The following PAPSS2 variants were observed in gnomAD, a reference collection of about 807,000 sequenced individuals.
The protein encoded by PAPSS2 is bifunctional 3'-phosphoadenosine 5'-phosphosulfate synthase 2.
PAPSS2 carries 61 observed loss-of-function variants against 66.5 expected under a neutral mutation model. The ratio of observed to expected loss-of-function variants is 0.92; its 90% CI spans 0.75 to 1.14. The LOEUF is 1.14. Among genes scored for constraint, PAPSS2 ranks in the 50% most tolerant of loss-of-function variants. The pLI is 0.00. For missense variants in PAPSS2, 708 were observed against 789.6 expected, an observed-to-expected ratio of 0.90 and a Z score of 1.24; for synonymous variants, 289 against 287.5, an observed-to-expected ratio of 1.01 and a Z score of -0.05.
At chr10:87,710,210 T>C (rs1453883314) in intron 2 of PAPSS2, among the ~76,000 whole-genome samples, 1 of 152,242 alleles carries the variant, frequency 6.6e-6, no homozygotes, top group Non-Finnish European at 1.5e-5. Context: ...CATCTTTTCT[T>C]GCTGTCCTAA....
At chr10:87,714,243 T>C in intron 4 of PAPSS2, 61 bp downstream of exon 4, 1 of 1,569,512 alleles carries the variant, frequency 6.4e-7, no homozygotes, top group Admixed American at 1.7e-5. Context: ...CAGTCCTTAT[T>C]CTGTCCTCAG....
intron 1 of PAPSS2, among the ~76,000 whole-genome samples, chr10:87,675,351 A>T (rs1205414515): frequency 6.6e-6 from 1 of 152,268 alleles, no homozygotes; most frequent in Non-Finnish European, 1.5e-5. Context: ...TGCATTAAAA[A>T]GATTCGCATA....
rs1338242115 is a variant in PAPSS2, at chr10:87,703,331, C to T, written c.28-5865C>T. ...TGTGTGTGTGTAAAACTGGTGCAGT[C>T]CTATCCATTGTCTGATTCGATCATG... is the stretch of plus-strand genomic sequence containing the variant. On this transcript the variant is annotated intron_variant, in intron 1 of 12. Coordinates refer to ENST00000456849, the MANE Select transcript of PAPSS2 (RefSeq NM_001015880.2). Among the ~76,000 whole-genome samples the T allele has an allele frequency of 2.6e-4, 39 of 150,148 alleles. 1 individual carries two copies. Among genetic ancestry groups the T allele is most frequent in the Admixed American group, 2.6e-3 (39 of 15,058 alleles).
rs553300326 is a variant in PAPSS2 at position 87,709,023 on chromosome 10, A to G, written c.28-173A>G. Among the ~76,000 whole-genome samples the G allele has an allele frequency of 3.9e-5, 6 of 152,328 alleles. No homozygotes were observed. The East Asian group carries it at 1.2e-3, about 29-fold the overall frequency. On this transcript the variant is annotated intron_variant, in intron 1 of 12. Coordinates refer to ENST00000456849, the MANE Select transcript of PAPSS2 (RefSeq NM_001015880.2). ...TGGCTCAGGGTAATCTGCAGAAATG[A>G]AAAAAACTATATTAGAATGGACAAA...
In PAPSS2 at chr10:87,707,574, T is replaced by C. The variant is rs919304267; in HGVS notation, c.28-1622T>C. On this transcript the variant is annotated intron_variant, in intron 1 of 12. Transcript: ENST00000456849. ...TCATTTCTTTTTTTTCTTTTTTTTT[T>C]TTTTTTTTTTTTTGAGACAGGGTCT... Among the ~76,000 whole-genome samples the C allele has an allele frequency of 1.7e-3, 245 of 141,976 alleles. 1 individual carries two copies. Among genetic ancestry groups the C allele is most frequent in the African/African-American group, 5.9e-3 (225 of 37,836 alleles). The allele number at this position is 141,976 out of a possible 152,430, so 93.1% of individuals were successfully genotyped here.
intron 1 of PAPSS2, among the ~76,000 whole-genome samples, chr10:87,705,820 G>A (rs1205650535): frequency 6.0e-5 from 9 of 150,316 alleles, no homozygotes; most frequent in Non-Finnish European, 1.2e-4. Flanking sequence ...TGCAACCTCC[G>A]CCTCCCGGGT....
At chr10:87,697,229 A>G (rs929164295) in intron 1 of PAPSS2, among the ~76,000 whole-genome samples, 6 of 152,112 alleles carry the variant, frequency 3.9e-5, no homozygotes, top group Non-Finnish European at 7.4e-5. Context: ...CAAAAAACGA[A>G]CATGGTTATG....
At chr10:87,701,800 G>A (rs772444206) in intron 1 of PAPSS2, among the ~76,000 whole-genome samples, 6 of 152,242 alleles carry the variant, frequency 3.9e-5, no homozygotes, top group East Asian at 1.9e-4. Context: ...GCAAACACAC[G>A]AATGGCCTAA....
intron 2 of PAPSS2, among the ~76,000 whole-genome samples, chr10:87,712,245 G>T (rs1853471128): frequency 6.6e-6 from 1 of 152,056 alleles, no homozygotes; most frequent in African/African-American, 2.4e-5. Flanking sequence ...AGTCATTTTG[G>T]AAACATCTAG....
rs1853919263 is a variant in PAPSS2, at chr10:87,745,065, C to G, written c.1555C>G (p.Pro519Ala). The stretch of plus-strand genomic sequence containing the variant: ...CAATTTCTACATTGTGGGGAGGGAC[C>G]CTGCAGGAATGCCCCATCCTGAAAC... ...GANFYIVGRD[P>A]AGMPHPETKK... The change falls in exon 12 of 13, where the codon CCT (proline) becomes GCT (alanine). Residue 519 changes from proline to alanine, a missense_variant. By Grantham distance (27) the Pro-to-Ala change is conservative. Transcript: ENST00000456849. 1.2e-6 allele frequency: 2 copies of G among 1,613,934 alleles called. No individual in the cohort carries two copies. The highest frequency in any genetic ancestry group is 1.7e-5 in the Admixed American group (1 of 59,988).
intron 1 of PAPSS2, among the ~76,000 whole-genome samples, chr10:87,678,056 G>A (rs538366916): frequency 6.6e-5 from 10 of 152,234 alleles, no homozygotes; most frequent in African/African-American, 2.4e-4. Context: ...ACAGAATGGG[G>A]AAGACCACTT....
chr10:87,738,175 T>A (rs1267116825), intron 9 of PAPSS2, among the ~76,000 whole-genome samples: 1 of 152,232 alleles, frequency 6.6e-6, no homozygotes, highest in Non-Finnish European at 1.5e-5. Context: ...AGTGCTGCTG[T>A]GAACATGAGG....
Position 87,713,341 on chromosome 10 carries a change from A to G in PAPSS2, c.381+31A>G, listed in dbSNP as rs755076351. On this transcript the variant is annotated intron_variant, in intron 3 of 12. Transcript: ENST00000456849. ...AAAAAAAAAAAAAAAAAAAGGCACT[A>G]CACACGATTCCCACACACAGTGCAA... 47 of 1,098,030 alleles carry G rather than the reference A, an allele frequency of 4.3e-5. No homozygotes were observed. The African/African-American group carries it at 6.5e-4, about 15-fold the overall frequency. The allele number at this position is 1,098,030 out of a possible 1,614,324, so 68.0% of individuals were successfully genotyped here.
chr10:87,743,276 G>T, intron 10 of PAPSS2, 97 bp from the exon 11 acceptor site: 1 of 1,248,598 alleles, frequency 8.0e-7, no homozygotes, highest in Non-Finnish European at 1.2e-6. Context: ...GATAATGAAT[G>T]CACAGAACAA....
intron 7 of PAPSS2, among the ~76,000 whole-genome samples, chr10:87,718,112 A>T (rs771332208): frequency 4.0e-5 from 6 of 151,212 alleles, no homozygotes; most frequent in Non-Finnish European, 8.8e-5. Flanking sequence ...GCATGATCTC[A>T]GCTCACTGCA....
At chr10:87,725,301 TTTC>T (rs1853645173) in intron 8 of PAPSS2, among the ~76,000 whole-genome samples, 1 of 152,204 alleles carries the variant, frequency 6.6e-6, no homozygotes, top group African/African-American at 2.4e-5. Context: ...TCATTGGACA[TTTC>T]TTGCTGCTGA....
chr10:87,708,010 C>T (rs1317014578), intron 1 of PAPSS2, among the ~76,000 whole-genome samples: 5 of 152,206 alleles, frequency 3.3e-5, no homozygotes, highest in Non-Finnish European at 7.3e-5. Context: ...AATTCAATTA[C>T]ACACCGCAGA....
At chr10:87,744,961 G>T in intron 11 of PAPSS2, 41 bp from the exon 12 acceptor site, 1 of 1,550,854 alleles carries the variant, frequency 6.4e-7, no homozygotes, top group South Asian at 1.1e-5. Context: ...CTACAGATTT[G>T]ACCCACAATG....
intron 1 of PAPSS2, among the ~76,000 whole-genome samples, chr10:87,694,978 T>C (rs1008866027): frequency 6.6e-5 from 10 of 152,070 alleles, no homozygotes; most frequent in Non-Finnish European, 1.5e-4. Context: ...CGCACAGCAA[T>C]GGAGGGCAGG....
Sources: gnomAD v4.1 joint callset for allele counts (sites outside exome capture counted in the v4.1 genomes callset) on GRCh38, gnomAD v4.1.1 for gene constraint, MANE v1.5 for transcripts, NCBI Gene and HGNC (gene_info 2026-07-23, HGNC 2026-07-21) for gene names.